Variants in MAST4 observed in about 807,000 individuals in gnomAD.
MAST4 encodes microtubule associated serine/threonine kinase family member 4.
MAST4 carries 89 observed loss-of-function variants against 162.7 expected under a neutral mutation model. The observed-to-expected ratio is 0.55, with a 90% CI of 0.46 to 0.65. The LOEUF is 0.65. MAST4 is among the 30% of genes least tolerant of loss of function. The pLI, the probability that MAST4 is intolerant of heterozygous loss-of-function variation, is 0.00. For synonymous variants in MAST4, 1,479 were observed against 1,361.1 expected (o/e 1.09, Z -1.91); for missense variants, 3,153 against 3,374.0 (o/e 0.93, Z 1.62).
intron 5 of MAST4, among the ~76,000 whole-genome samples, chr5:67,055,749 A>C (rs145050566): frequency 2.6e-5 from 4 of 152,330 alleles, no homozygotes; most frequent in African/African-American, 4.8e-5. Context: ...TAGACCACTC[A>C]TAGCAGCAGC....
At chr5:66,622,144 T>C (rs1024759773) in intron 1 of MAST4, among the ~76,000 whole-genome samples, 1 of 152,196 alleles carries the variant, frequency 6.6e-6, no homozygotes, top group African/African-American at 2.4e-5. Context: ...GGGATATTTA[T>C]AGATTTTGAC....
rs567369459 is a variant in MAST4, at chr5:66,994,556, C to T, written c.675-59848C>T. ...TCATTCCTATTAACTGGAGTAACTT[C>T]TCTTTGAAAGTTTTTTGATCACCAG... On this transcript the variant is annotated intron_variant, in intron 4 of 28. Coordinates refer to ENST00000403625, the MANE Select transcript of MAST4 (RefSeq NM_001164664.2). 2.6e-5 allele frequency among the ~76,000 whole-genome samples: 4 copies of T among 152,288 alleles called. No homozygotes were observed. In the South Asian group the frequency reaches 8.3e-4, roughly 32 times the overall value.
chr5:66,808,107 G>A (rs960393298), intron 3 of MAST4, among the ~76,000 whole-genome samples: 5 of 152,208 alleles, frequency 3.3e-5, no homozygotes, highest in Non-Finnish European at 5.9e-5. Flanking sequence ...CCCAGCTTCC[G>A]TGTCACAGTC....
chr5:66,845,906 C>A (rs889625840), intron 3 of MAST4, among the ~76,000 whole-genome samples: 1 of 152,092 alleles, frequency 6.6e-6, no homozygotes, highest in East Asian at 1.9e-4. Flanking sequence ...TTCAAGGATG[C>A]TTTTGAAAAT....
chr5:66,888,478 T>C (rs1762177160), intron 3 of MAST4, among the ~76,000 whole-genome samples: 1 of 152,224 alleles, frequency 6.6e-6, no homozygotes, highest in Non-Finnish European at 1.5e-5. Context: ...ATGATTAATC[T>C]CAGCAGAGTA....
chr5:66,804,827 A>T (rs1421349663), intron 3 of MAST4, among the ~76,000 whole-genome samples: 4 of 152,118 alleles, frequency 2.6e-5, no homozygotes, highest in Non-Finnish European at 5.9e-5. Flanking sequence ...CTGATTTTTA[A>T]ATTTTTTCTT....
At chr5:66,942,226 GTCTA>G in intron 4 of MAST4, among the ~76,000 whole-genome samples, 1 of 152,162 alleles carries the variant, frequency 6.6e-6, no homozygotes, top group Admixed American at 6.5e-5. Flanking sequence ...AACTAGGTAT[GTCTA>G]TTCTGAAAAA....
At chr5:67,057,610 G>GAAAGAAAAGGAAAGAAAAGA (rs1759009386) in intron 5 of MAST4, among the ~76,000 whole-genome samples, 1 of 144,240 alleles carries the variant, frequency 6.9e-6, no homozygotes, top group Non-Finnish European at 1.5e-5. Context: ...AAAAAAGAAG[G>GAAAGAAAAGGAAAGAAAAGA]AAAGAAAAGA....
intron 4 of MAST4, among the ~76,000 whole-genome samples, chr5:67,049,500 C>CAA (rs1270350001): frequency 2.0e-5 from 3 of 152,084 alleles, no homozygotes; most frequent in Non-Finnish European, 4.4e-5. Context: ...TTCAAATGTT[C>CAA]ATCTTCTCTA....
intron 6 of MAST4, among the ~76,000 whole-genome samples, chr5:67,091,872 G>A (rs1178818773): frequency 1.3e-5 from 2 of 152,114 alleles, no homozygotes; most frequent in East Asian, 3.9e-4. Flanking sequence ...TATCACAGGA[G>A]ACCTCTAGTT....
chr5:67,054,033 A>G (rs1024897533), intron 4 of MAST4, among the ~76,000 whole-genome samples: 2 of 152,216 alleles, frequency 1.3e-5, no homozygotes, highest in Non-Finnish European at 2.9e-5. Flanking sequence ...ACTTCATTGC[A>G]TGTAATTTTG....
chr5:66,702,819 A>G (rs905881179), intron 1 of MAST4, among the ~76,000 whole-genome samples: 5 of 152,312 alleles, frequency 3.3e-5, no homozygotes, highest in African/African-American at 9.6e-5. Flanking sequence ...CAAAGCCACC[A>G]GAGGGTTTCA....
intron 1 of MAST4, among the ~76,000 whole-genome samples, chr5:66,680,739 C>G (rs937056742): frequency 1.5e-4 from 23 of 152,050 alleles, no homozygotes; most frequent in Admixed American, 1.4e-3. Flanking sequence ...GTGGTGTCAC[C>G]CCCCAAAAAA....
chr5:66,748,987 A>G (rs1752962442), intron 1 of MAST4, among the ~76,000 whole-genome samples: 1 of 152,074 alleles, frequency 6.6e-6, no homozygotes, highest in Non-Finnish European at 1.5e-5. Context: ...GGCACTGCAG[A>G]GAATAATAAA....
At chr5:66,690,312 G>GT (rs1242672350) in intron 1 of MAST4, among the ~76,000 whole-genome samples, 1 of 152,162 alleles carries the variant, frequency 6.6e-6, no homozygotes, top group Non-Finnish European at 1.5e-5. Context: ...TTGTTATTTA[G>GT]TAAGTATTGT....
intron 4 of MAST4, among the ~76,000 whole-genome samples, chr5:67,025,978 G>T (rs1754596700): frequency 6.6e-6 from 1 of 152,160 alleles, no homozygotes; most frequent in Admixed American, 6.5e-5. Context: ...TATAAAGATT[G>T]TGTACTGCAC....
chr5:67,131,960 A>T lies in MAST4; in HGVS notation c.2093+9A>T. 1 of 1,609,840 alleles carries T rather than the reference A, an allele frequency of 6.2e-7. No homozygotes were observed. ...GATTTGAAACCAGACAAGTATGTAC[A>T]CAAATGAAATATATGTCTTCTTTTG... On this transcript the variant is annotated intron_variant, in intron 16 of 28. Coordinates refer to ENST00000403625, the MANE Select transcript of MAST4 (RefSeq NM_001164664.2).
chr5:67,007,670 G>A (rs1438159960), intron 4 of MAST4, among the ~76,000 whole-genome samples: 5 of 152,194 alleles, frequency 3.3e-5, no homozygotes, highest in African/African-American at 4.8e-5. Flanking sequence ...ACACTTAAAC[G>A]AGAGCTTGAA....
chr5:66,793,889 A>G (rs1231647189), intron 3 of MAST4, among the ~76,000 whole-genome samples: 1 of 151,998 alleles, frequency 6.6e-6, no homozygotes, highest in Non-Finnish European at 1.5e-5. Flanking sequence ...TCGTTTGCTT[A>G]TTTTATTATA....
Sources: gnomAD v4.1 joint callset for allele counts (sites outside exome capture counted in the v4.1 genomes callset) on GRCh38, gnomAD v4.1.1 for gene constraint, MANE v1.5 for transcripts, NCBI Gene and HGNC (gene_info 2026-07-23, HGNC 2026-07-21) for gene names.